Variants in GATA4 observed in about 807,000 individuals in gnomAD.
GATA4 encodes GATA binding protein 4.
A neutral mutation model predicts 37.9 loss-of-function variants in GATA4; 7 were observed. The observed-to-expected ratio is 0.18, with a 90% CI of 0.11 to 0.35. The LOEUF is 0.35. GATA4 is among the 10% of genes least tolerant of loss of function. The pLI, the probability that GATA4 is intolerant of heterozygous loss-of-function variation, is 1.00. For synonymous variants in GATA4, 372 were observed against 292.6 expected (o/e 1.27, Z -2.77); for missense variants, 647 against 653.0 (o/e 0.99, Z 0.10).
rs1802791077 is a variant in GATA4 at position 11,759,591 on chromosome 8, C to T, written c.*1116C>T. 6.6e-6 allele frequency: 1 copy of T among 152,340 alleles called. No homozygotes were observed. The highest frequency in any genetic ancestry group is 1.5e-5 in the Non-Finnish European group (1 of 68,100). 9.4% of individuals were successfully genotyped at this position (152,340 alleles called of 1,614,324 possible). A position where few individuals can be genotyped will look rare whatever the true frequency, so the allele number is the denominator to read the frequency against. On this transcript the variant is annotated 3_prime_UTR_variant, in exon 7 of 7. Coordinates refer to ENST00000532059, the MANE Select transcript of GATA4 (RefSeq NM_001308093.3). ...ACGAATTCGAAGCAAACAAACACAACACAACAGAATTCCTGGAAAGAAGAC... is the reference window on the plus strand; with the variant it reads ...ACGAATTCGAAGCAAACAAACACAATACAACAGAATTCCTGGAAAGAAGAC...
exon 1 of GATA4, chr8:11,692,654 A>G (rs1182050720): frequency 1.0e-6 from 1 of 982,826 alleles, no homozygotes; most frequent in Non-Finnish European, 1.2e-6. Flanking sequence ...GCCGACCTCC[A>G]CCGCGGGTGC....
chr8:11,752,044 A>G (rs1435512660), intron 4 of GATA4, among the ~76,000 whole-genome samples: 1 of 152,206 alleles, frequency 6.6e-6, no homozygotes, highest in East Asian at 1.9e-4. Context: ...AAACCCCATA[A>G]AGGAATGGTT....
chr8:11,709,035 G>A lies in GATA4; in HGVS notation c.616+107G>A. Reference sequence around the variant, plus strand: ...CCACCAACGCCTTCGTTGGGCTGGGGATGGTGCTTCACTACCTCGAGTTTC... The same window carrying A: ...CCACCAACGCCTTCGTTGGGCTGGGAATGGTGCTTCACTACCTCGAGTTTC... On this transcript the variant is annotated intron_variant, in intron 2 of 6. Coordinates refer to ENST00000532059, the MANE Select transcript of GATA4 (RefSeq NM_001308093.3). The surrounding 1 kb of genome is among the most constrained non-coding windows in gnomAD (Gnocchi z 4.3). 1.7e-6 allele frequency: 2 copies of A among 1,188,476 alleles called. No homozygotes were observed. The highest frequency in any genetic ancestry group is 2.2e-6 in the Non-Finnish European group (2 of 892,006). The allele number at this position is 1,188,476 out of a possible 1,614,324, so 73.6% of individuals were successfully genotyped here.
chr8:11,708,736 G>T lies in GATA4; in HGVS notation c.424G>T (p.Gly142Cys), dbSNP rs1585596441. The T allele has an allele frequency of 4.6e-6, 6 of 1,316,532 alleles. No individual in the cohort carries two copies. Among genetic ancestry groups the T allele is most frequent in the Admixed American group, 4.0e-5 (1 of 24,744 alleles). 81.6% of individuals were successfully genotyped at this position (1,316,532 alleles called of 1,614,324 possible). Residue 142 changes from glycine (G) to cysteine (C), a missense_variant, in exon 2 of 7, where the codon GGC (glycine) becomes TGC (cysteine). Physicochemically the swap from Gly to Cys is radical, Grantham distance 159. This residue lies in a region of GATA4 where 379 missense variants were observed against 334.5 expected (regional missense o/e 1.13). Transcript: ENST00000532059. The surrounding 1 kb of genome is among the most constrained non-coding windows in gnomAD (Gnocchi z 6.7). ...YSSGGGAAGA[G>C]LAGREQYGRA... ...CAGTGGCGGCGGAGCGGCGGGTGCG[G>T]GCCTGGCGGGCCGCGAGCAGTACGG...
rs745305589 is a variant in GATA4, at chr8:11,708,595, G to A, written c.283G>A (p.Asp95Asn). Reference sequence around the variant, plus strand: ...CCCGGGATGGAGCCAGGCGGGAGCCGACGGAGCCGCTTACACCCCGCCGCC... The same window carrying A: ...CCCGGGATGGAGCCAGGCGGGAGCCAACGGAGCCGCTTACACCCCGCCGCC... ...GSPGWSQAGADGAAYTPPPVS... is the reference protein window; with the variant it reads ...GSPGWSQAGANGAAYTPPPVS... The change falls in exon 2 of 7, where the codon GAC (aspartate) becomes AAC (asparagine). Residue 95 changes from aspartate (D) to asparagine (N), a missense_variant. Asp to Asn is a conservative substitution (Grantham distance 23). Around this residue, in one of 5 missense-constraint regions of GATA4, gnomAD observed 379 missense variants for 334.5 expected, o/e 1.13. Coordinates refer to ENST00000532059, the MANE Select transcript of GATA4 (RefSeq NM_001308093.3). The surrounding 1 kb of genome is among the most constrained non-coding windows in gnomAD (Gnocchi z 6.7). The A allele has an allele frequency of 2.1e-5, 28 of 1,359,542 alleles. No homozygotes were observed. Among genetic ancestry groups the A allele is most frequent in the Admixed American group, 3.3e-5 (1 of 30,246 alleles). 84.2% of individuals were successfully genotyped at this position (1,359,542 alleles called of 1,614,324 possible).
At chr8:11,703,521 G>A (rs1158941572), upstream of GATA4, among the ~76,000 whole-genome samples, 2 of 152,224 alleles carry the variant, frequency 1.3e-5, no homozygotes, top group Non-Finnish European at 2.9e-5. Context: ...AGAAAAAAGG[G>A]GGAAAGATTA....
chr8:11,691,744 C>G (rs1228997397), upstream of GATA4, among the ~76,000 whole-genome samples: 1 of 151,624 alleles, frequency 6.6e-6, no homozygotes, highest in Admixed American at 6.6e-5. Flanking sequence ...TCCTCGAGGC[C>G]TAAGCTTCGC....
chr8:11,747,526 T>C (rs1802091627), intron 2 of GATA4, among the ~76,000 whole-genome samples: 1 of 152,148 alleles, frequency 6.6e-6, no homozygotes, highest in African/African-American at 2.4e-5. Context: ...AAGAAAAATG[T>C]CCAACTATGA....
At chr8:11,739,157 G>A (rs1801601512) in intron 2 of GATA4, among the ~76,000 whole-genome samples, 1 of 152,208 alleles carries the variant, frequency 6.6e-6, no homozygotes, top group African/African-American at 2.4e-5. Context: ...ATCCTGCAGT[G>A]CCTAGGCAGA....
chr8:11,750,354 A>C, intron 4 of GATA4, 118 bp downstream of exon 4: 1 of 1,412,994 alleles, frequency 7.1e-7, no homozygotes, highest in South Asian at 1.2e-5. Context: ...AGAGACTTAG[A>C]TTTGGAAGGG....
chr8:11,739,824 C>T (rs1168009684), intron 2 of GATA4, among the ~76,000 whole-genome samples: 2 of 152,124 alleles, frequency 1.3e-5, no homozygotes, highest in Non-Finnish European at 2.9e-5. Context: ...GAGGCACTTG[C>T]CCGGCCTGCT....
intron 4 of GATA4, among the ~76,000 whole-genome samples, 194 bp from the exon 5 acceptor site, chr8:11,754,852 C>T (rs1802472867): frequency 6.6e-6 from 1 of 152,160 alleles, no homozygotes; most frequent in Non-Finnish European, 1.5e-5. Flanking sequence ...CACACAGGTG[C>T]TCGATAAGTT....
At chr8:11,724,192 A>G (rs1281046842) in intron 2 of GATA4, among the ~76,000 whole-genome samples, 2 of 151,480 alleles carry the variant, frequency 1.3e-5, no homozygotes, top group Admixed American at 6.6e-5. Context: ...TCGATACTGT[A>G]TTTTGTTTAT....
intron 2 of GATA4, among the ~76,000 whole-genome samples, chr8:11,741,817 G>A (rs190458135): frequency 6.6e-6 from 1 of 152,208 alleles, no homozygotes; most frequent in African/African-American, 2.4e-5. Context: ...GCATGCTTGC[G>A]CTCTGAACTC....
chr8:11,736,157 G>T (rs1323901832), intron 2 of GATA4, among the ~76,000 whole-genome samples: 1 of 152,054 alleles, frequency 6.6e-6, no homozygotes, highest in East Asian at 1.9e-4. Context: ...GCCATACTCC[G>T]ACCTCACAAA....
intron 1 of GATA4, among the ~76,000 whole-genome samples, chr8:11,683,966 G>C (rs1386309605): frequency 6.6e-6 from 1 of 152,190 alleles, no homozygotes; most frequent in East Asian, 1.9e-4. Flanking sequence ...ACCTAAACTT[G>C]GACTGCTGAG....
rs534381065 is a variant in GATA4, at chr8:11,681,242, C to A, written c.-274+4179C>A. On this transcript the variant is annotated intron_variant, in intron 1 of 6. Transcript: ENST00000528712. ...AGATTTCTCGACGTTTGGGGACTTA[C>A]AGCTCGTCTGGGAGCGACTGGATTC... 9 of 985,386 alleles carry A rather than the reference C, an allele frequency of 9.1e-6. No individual in the cohort carries two copies. In the East Asian group the frequency reaches 1.0e-3, roughly 112 times the overall value. 61.0% of individuals were successfully genotyped at this position (985,386 alleles called of 1,614,324 possible). A position where few individuals can be genotyped will look rare whatever the true frequency, so the allele number is the denominator to read the frequency against.
At chr8:11,684,148 C>T (rs933133766) in intron 1 of GATA4, among the ~76,000 whole-genome samples, 8 of 152,230 alleles carry the variant, frequency 5.3e-5, no homozygotes, top group Non-Finnish European at 8.8e-5. Flanking sequence ...CTGCTAGAAA[C>T]TAAAGCCCCT....
At chr8:11,734,387 A>T (rs2130224794) in intron 2 of GATA4, among the ~76,000 whole-genome samples, 1 of 152,372 alleles carries the variant, frequency 6.6e-6, no homozygotes, top group Admixed American at 6.5e-5. Flanking sequence ...CGGCACTGGC[A>T]GATTGGTGTC....
Sources: gnomAD v4.1 joint callset for allele counts (sites outside exome capture counted in the v4.1 genomes callset) on GRCh38, gnomAD v4.1.1 for gene constraint, gnomAD v4.1.1 regional missense constraint, Gnocchi (gnomAD v3.1) non-coding constraint, MANE v1.5 for transcripts, NCBI Gene and HGNC (gene_info 2026-07-23, HGNC 2026-07-21) for gene names.